Variants in FRS2 observed in about 807,000 individuals in gnomAD.
FRS2 encodes the protein fibroblast growth factor receptor substrate 2.
A neutral mutation model predicts 43.9 loss-of-function variants in FRS2; 8 were observed. That is an observed-to-expected ratio of 0.18 (90% CI 0.11 to 0.33). The LOEUF (loss-of-function observed/expected upper bound fraction) is 0.33, where lower values mean the gene tolerates loss of function less well. Ranked by LOEUF, FRS2 falls within the 10% of genes least tolerant of loss-of-function variation. FRS2 has a pLI of 1.00. For synonymous variants in FRS2, 219 were observed against 220.3 expected, an observed-to-expected ratio of 0.99 and a Z score of 0.05; for missense variants, 534 against 627.6, an observed-to-expected ratio of 0.85 and a Z score of 1.59.
In FRS2 at chr12:69,574,446, G is replaced by T. The variant is rs1355695534; in HGVS notation, c.1018G>T (p.Ala340Ser). The change falls in exon 9 of 9, where the codon GCT (alanine) becomes TCT (serine). Residue 340 changes from alanine (A) to serine (S), a missense_variant. This residue lies in a region of FRS2 where 446 missense variants were observed against 494.2 expected (regional missense o/e 0.90). Transcript: ENST00000549921. The stretch of plus-strand genomic sequence containing the variant: ...AGATACCCAGAATATCAACAACTCA[G>T]CTCAGAGAAGAACTGCATTATTAAA... ...TSDTQNINNS[A>S]QRRTALLNYE... 1 of 1,613,882 alleles carries T rather than the reference G, an allele frequency of 6.2e-7. No homozygotes were observed. Among genetic ancestry groups the T allele is most frequent in the African/African-American group, 1.3e-5 (1 of 74,904 alleles).
intron 1 of FRS2, among the ~76,000 whole-genome samples, chr12:69,476,029 C>A (rs1870732984): frequency 1.3e-5 from 2 of 152,126 alleles, no homozygotes; most frequent in Admixed American, 1.3e-4. Flanking sequence ...ATGCTGGTCA[C>A]CCTCTCCTTC....
intron 1 of FRS2, among the ~76,000 whole-genome samples, chr12:69,529,986 A>G (rs2135658532): frequency 6.6e-6 from 1 of 152,222 alleles, no homozygotes; most frequent in East Asian, 1.9e-4. Context: ...CCTGGGAGGC[A>G]GAGGTTGCAG....
chr12:69,501,539 A>G (rs1225176919), intron 1 of FRS2, among the ~76,000 whole-genome samples: 2 of 152,236 alleles, frequency 1.3e-5, no homozygotes, highest in Non-Finnish European at 2.9e-5. Flanking sequence ...ATAATTGTTA[A>G]CATATTTCTT....
chr12:69,501,201 A>G (rs968122896), intron 1 of FRS2, among the ~76,000 whole-genome samples: 1 of 152,004 alleles, frequency 6.6e-6, no homozygotes, highest in Admixed American at 6.5e-5. Context: ...GTATTGCTAC[A>G]TATGATGATT....
chr12:69,474,590 T>G (rs1045979387), intron 1 of FRS2, among the ~76,000 whole-genome samples: 1 of 152,164 alleles, frequency 6.6e-6, no homozygotes, highest in East Asian at 1.9e-4. Flanking sequence ...AAAATCCAAT[T>G]GGGAAATACA....
chr12:69,572,162 T>C lies in FRS2; in HGVS notation c.457T>C (p.Tyr153His). 1 of 1,613,546 alleles carries C rather than the reference T, an allele frequency of 6.2e-7. No individual in the cohort carries two copies. The highest frequency in any genetic ancestry group is 8.5e-7 in the Non-Finnish European group (1 of 1,179,460). ...AQNLPNGYPR[Y>H]PSFGDASSHP... ...GAACTTACCTAATGGATATCCCCGATATCCCTCATTTGGAGATGCTTCATC... is the reference window on the plus strand; with the variant it reads ...GAACTTACCTAATGGATATCCCCGACATCCCTCATTTGGAGATGCTTCATC... The change falls in exon 8 of 9, where the codon TAT becomes CAT. Residue 153 changes from tyrosine (Y) to histidine (H), a missense_variant. Physicochemically the swap from Tyr to His is moderately conservative, Grantham distance 83. This residue lies in a region of FRS2 where 446 missense variants were observed against 494.2 expected (regional missense o/e 0.90). Transcript: ENST00000549921.
rs369844568 is a variant in FRS2, at chr12:69,485,022, G to C, written c.-261+14492G>C. 1.5e-3 allele frequency among the ~76,000 whole-genome samples: 218 copies of C among 146,270 alleles called. 3 individuals are homozygous for C. The highest frequency in any genetic ancestry group is 2.6e-3 in the Admixed American group (37 of 14,474). On this transcript the variant is annotated intron_variant, in intron 1 of 8. Transcript: ENST00000549921. Reference sequence around the variant, plus strand: ...GCTACTTGAGAGGCTGAGGTGGAAGGATCACTTGAACCCAGGAGTTCAACA... The same window carrying C: ...GCTACTTGAGAGGCTGAGGTGGAAGCATCACTTGAACCCAGGAGTTCAACA...
chr12:69,567,734 A>G (rs530230647), intron 4 of FRS2, among the ~76,000 whole-genome samples: 1 of 152,334 alleles, frequency 6.6e-6, no homozygotes, highest in East Asian at 1.9e-4. Context: ...GAGAAAGGAA[A>G]GAAGCAGAAA....
At chr12:69,474,891 C>G (rs1409527277) in intron 1 of FRS2, among the ~76,000 whole-genome samples, 1 of 152,076 alleles carries the variant, frequency 6.6e-6, no homozygotes, top group Non-Finnish European at 1.5e-5. Context: ...GTTAATATTG[C>G]TTTTTATAGA....
chr12:69,518,562 T>C (rs994122956), intron 1 of FRS2, among the ~76,000 whole-genome samples: 36 of 151,844 alleles, frequency 2.4e-4, no homozygotes, highest in African/African-American at 7.5e-4. Context: ...AGAAAAAATA[T>C]AATTAGCTGG....
chr12:69,552,879 G>A (rs1879016347), intron 3 of FRS2, among the ~76,000 whole-genome samples: 1 of 149,558 alleles, frequency 6.7e-6, no homozygotes, highest in South Asian at 2.1e-4. Flanking sequence ...GTGACAGAGC[G>A]AGACTCCATC....
intron 4 of FRS2, among the ~76,000 whole-genome samples, chr12:69,565,533 A>G (rs1411745973): frequency 6.6e-6 from 1 of 152,222 alleles, no homozygotes; most frequent in Non-Finnish European, 1.5e-5. Flanking sequence ...ATTCTACAGC[A>G]GTACAGAAGT....
chr12:69,549,290 A>AATATATATAAAAT (rs1373932164), intron 3 of FRS2, among the ~76,000 whole-genome samples: 3 of 152,122 alleles, frequency 2.0e-5, no homozygotes, highest in Non-Finnish European at 4.4e-5. Context: ...GAATTAATTG[A>AATATATATAAAAT]ATATAATATT....
chr12:69,518,115 G>T (rs999355375), intron 1 of FRS2, among the ~76,000 whole-genome samples: 5 of 152,314 alleles, frequency 3.3e-5, no homozygotes, highest in Non-Finnish European at 5.9e-5. Flanking sequence ...CACAGCAGTA[G>T]TTCAGAGAAA....
At chr12:69,501,113 T>C (rs1873400453) in intron 1 of FRS2, among the ~76,000 whole-genome samples, 1 of 152,006 alleles carries the variant, frequency 6.6e-6, no homozygotes, top group Admixed American at 6.6e-5. Flanking sequence ...ATTGAGATGG[T>C]CCCAATTTAA....
At chr12:69,503,161 G>A (rs1011893757) in intron 1 of FRS2, among the ~76,000 whole-genome samples, 7 of 152,100 alleles carry the variant, frequency 4.6e-5, no homozygotes, top group African/African-American at 1.7e-4. Flanking sequence ...TAGGACTGAC[G>A]TCTTGTTTCT....
chr12:69,547,365 A>T (rs956787908), intron 3 of FRS2, among the ~76,000 whole-genome samples: 2 of 152,076 alleles, frequency 1.3e-5, no homozygotes, highest in African/African-American at 4.8e-5. Flanking sequence ...AGAGGCTGAG[A>T]TGAGAGAATC....
At chr12:69,495,995 G>A (rs1314917674) in intron 1 of FRS2, among the ~76,000 whole-genome samples, 1 of 152,200 alleles carries the variant, frequency 6.6e-6, no homozygotes, top group Non-Finnish European at 1.5e-5. Flanking sequence ...TGGAGGCCAA[G>A]TAGTTTTAAC....
chr12:69,490,699 G>A (rs544099542), intron 1 of FRS2, among the ~76,000 whole-genome samples: 14 of 152,238 alleles, frequency 9.2e-5, no homozygotes, highest in South Asian at 4.1e-4. Context: ...ATTGCTTTGG[G>A]TAAGATACAT....
Sources: gnomAD v4.1 joint callset for allele counts (sites outside exome capture counted in the v4.1 genomes callset) on GRCh38, gnomAD v4.1.1 for gene constraint, gnomAD v4.1.1 regional missense constraint, MANE v1.5 for transcripts, NCBI Gene and HGNC (gene_info 2026-07-23, HGNC 2026-07-21) for gene names.